The following MED12L variants were observed in gnomAD, a reference collection of about 807,000 sequenced individuals.
MED12L encodes mediator of RNA polymerase II transcription subunit 12-like protein.
MED12L carries 60 observed loss-of-function variants against 281.3 expected under a neutral mutation model. The observed-to-expected ratio is 0.21, with a 90% CI of 0.17 to 0.26. MED12L has a LOEUF of 0.26. Ranked by LOEUF, MED12L falls within the 10% of genes least tolerant of loss-of-function variation. The pLI, the probability that MED12L is intolerant of heterozygous loss-of-function variation, is 1.00. For synonymous variants in MED12L, 974 were observed against 987.2 expected, an observed-to-expected ratio of 0.99 and a Z score of 0.25; for missense variants, 2,146 against 2,680.9, an observed-to-expected ratio of 0.80 and a Z score of 4.41.
At chr3:151,201,800 T>C (rs940852550) in intron 16 of MED12L, among the ~76,000 whole-genome samples, 2 of 152,260 alleles carry the variant, frequency 1.3e-5, no homozygotes, top group African/African-American at 2.4e-5. Context: ...TGCATTGATA[T>C]AGTGTCACAT....
chr3:151,288,167 G>T (rs1322305639), intron 16 of MED12L, among the ~76,000 whole-genome samples: 1 of 152,084 alleles, frequency 6.6e-6, no homozygotes, highest in Non-Finnish European at 1.5e-5. Context: ...TTTTCTTGTT[G>T]TCCCTATGTT....
At position 151,356,031 on chromosome 3, in the gene MED12L, G is replaced by T. The variant is rs774424420; in HGVS notation, c.2653G>T (p.Ala885Ser). The T allele has an allele frequency of 2.5e-6, 4 of 1,609,448 alleles. No homozygotes were observed. The highest frequency in any genetic ancestry group is 3.4e-6 in the Non-Finnish European group (4 of 1,178,650). ...GAACATCAACGGACTAATTGACTTC[G>T]CAATACAGGTGTCAAAGAGACCATG... ...ALNINGLIDF[A>S]IQLLNELSVV... The change falls in exon 19 of 45, where the codon GCA becomes TCA. Residue 885 changes from alanine (A) to serine (S), a missense_variant. This residue lies in a region of MED12L where 404 missense variants were observed against 603.5 expected (regional missense o/e 0.67). Transcript: ENST00000687756.
chr3:151,093,087 C>T (rs1304250695), intron 2 of MED12L, among the ~76,000 whole-genome samples: 1 of 152,138 alleles, frequency 6.6e-6, no homozygotes, highest in Non-Finnish European at 1.5e-5. Context: ...TGGAGGATTG[C>T]TTGAAAGTAG....
At chr3:151,205,589 G>A (rs1042840284) in intron 16 of MED12L, among the ~76,000 whole-genome samples, 3 of 152,068 alleles carry the variant, frequency 2.0e-5, no homozygotes, top group African/African-American at 7.2e-5. Context: ...TGTTGGGGTC[G>A]GTGGTCACTG....
At chr3:151,098,761 G>A (rs1299400880) in intron 2 of MED12L, among the ~76,000 whole-genome samples, 3 of 151,790 alleles carry the variant, frequency 2.0e-5, no homozygotes, top group Non-Finnish European at 4.4e-5. Context: ...ATATCTTTTA[G>A]GGGAGTGTTT....
At chr3:151,135,824 C>G (rs1015349471) in intron 5 of MED12L, among the ~76,000 whole-genome samples, 1 of 152,182 alleles carries the variant, frequency 6.6e-6, no homozygotes, top group Non-Finnish European at 1.5e-5. Context: ...AGGAGCAAAG[C>G]AAAGTCCAGG....
chr3:151,345,658 T>C (rs533650251), intron 16 of MED12L, among the ~76,000 whole-genome samples: 5 of 151,542 alleles, frequency 3.3e-5, no homozygotes, highest in Non-Finnish European at 7.4e-5. Context: ...GCTGAAATTA[T>C]AGGCACCTGC....
At chr3:151,213,452 A>G (rs1457769125) in intron 16 of MED12L, 3 of 1,614,214 alleles carry the variant, frequency 1.9e-6, no homozygotes, top group Non-Finnish European at 2.5e-6. Flanking sequence ...GGGTCCAAGC[A>G]TACATTTGCA....
chr3:151,324,400 G>A (rs1031819571), intron 16 of MED12L, among the ~76,000 whole-genome samples: 1 of 152,086 alleles, frequency 6.6e-6, no homozygotes, highest in Non-Finnish European at 1.5e-5. Context: ...TGGGGTCAGG[G>A]AGCATGGGGG....
intron 5 of MED12L, among the ~76,000 whole-genome samples, chr3:151,133,690 A>C (rs1017461755): frequency 1.3e-5 from 2 of 152,208 alleles, no homozygotes; most frequent in Non-Finnish European, 2.9e-5. Flanking sequence ...GTACGCCAGA[A>C]ATAATGCATG....
intron 16 of MED12L, among the ~76,000 whole-genome samples, chr3:151,347,087 A>C (rs932834403): frequency 1.3e-5 from 2 of 152,246 alleles, no homozygotes; most frequent in African/African-American, 4.8e-5. Flanking sequence ...CTAACTTCTT[A>C]GATACCTCTT....
intron 16 of MED12L, among the ~76,000 whole-genome samples, chr3:151,218,158 T>G (rs1202595494): frequency 1.3e-5 from 2 of 152,198 alleles, no homozygotes; most frequent in South Asian, 2.1e-4. Context: ...CATGCTGATT[T>G]TATACAAAAA....
At chr3:151,226,889 A>C (rs2149300228) in intron 16 of MED12L, among the ~76,000 whole-genome samples, 1 of 152,332 alleles carries the variant, frequency 6.6e-6, no homozygotes, top group Non-Finnish European at 1.5e-5. Flanking sequence ...TGATTACAAC[A>C]GGTAACGTTA....
At chr3:151,316,038 T>C (rs900793324) in intron 16 of MED12L, among the ~76,000 whole-genome samples, 10 of 152,196 alleles carry the variant, frequency 6.6e-5, no homozygotes, top group African/African-American at 2.4e-4. Flanking sequence ...CTAACCTGTT[T>C]GTCAGTCACT....
intron 16 of MED12L, among the ~76,000 whole-genome samples, chr3:151,216,494 A>T (rs541953551): frequency 7.9e-5 from 12 of 152,224 alleles, no homozygotes; most frequent in Admixed American, 1.3e-4. Flanking sequence ...TGCTTCCTAC[A>T]CAAGAATATC....
chr3:151,350,341 AAC>A, intron 17 of MED12L, 135 bp downstream of exon 17: 8 of 701,022 alleles, frequency 1.1e-5, no homozygotes, highest in Non-Finnish European at 1.7e-5. Flanking sequence ...TTGAAATGTG[AAC>A]AAGCACATTT....
intron 21 of MED12L, among the ~76,000 whole-genome samples, chr3:151,362,307 A>C (rs1018000916): frequency 2.0e-5 from 3 of 152,114 alleles, no homozygotes; most frequent in Admixed American, 6.6e-5. Flanking sequence ...AAAATTCACC[A>C]TCCCTACCTA....
In MED12L at chr3:151,365,317, G is replaced by A. The variant is rs902510349; in HGVS notation, c.3185+111G>A. The A allele has an allele frequency of 2.7e-5, 23 of 858,666 alleles. No individual in the cohort carries two copies. The African/African-American group carries it at 3.0e-4, about 11-fold the overall frequency. 53.2% of individuals were successfully genotyped at this position (858,666 alleles called of 1,614,324 possible). On this transcript the variant is annotated intron_variant, in intron 22 of 44. Coordinates refer to ENST00000687756, the MANE Select transcript of MED12L (RefSeq NM_001393769.1). ...CTGGACTCACATTTGGCTATCATTT[G>A]CTTTTTCTAAATCTTCTTTTATTCC...
chr3:151,206,579 CT>C (rs566966326), intron 16 of MED12L, among the ~76,000 whole-genome samples: 1 of 140,978 alleles, frequency 7.1e-6, no homozygotes, highest in East Asian at 2.1e-4. Flanking sequence ...GAATTTCATG[CT>C]TTTTTTCCCC....
Sources: allele counts gnomAD v4.1 joint callset (sites outside exome capture counted in the v4.1 genomes callset), GRCh38; gene constraint gnomAD v4.1.1; regional missense constraint gnomAD v4.1.1; transcripts MANE v1.5; gene names NCBI Gene and HGNC (gene_info 2026-07-23, HGNC 2026-07-21).